PHF14: variants seen among roughly 807,000 people sequenced by gnomAD.
PHF14 encodes PHD finger protein 14.
A neutral mutation model predicts 117.9 loss-of-function variants in PHF14; 55 were observed. The observed-to-expected ratio is 0.47, with a 90% CI of 0.38 to 0.58. The LOEUF (loss-of-function observed/expected upper bound fraction) is 0.58, where lower values mean the gene tolerates loss of function less well. Ranked by LOEUF, PHF14 falls within the 20% of genes least tolerant of loss-of-function variation. The probability of loss-of-function intolerance (pLI) is 0.00; values close to 1 mark genes in which losing one functional copy is unlikely to be tolerated. For synonymous variants in PHF14, 409 were observed against 368.6 expected (o/e 1.11, Z -1.26); for missense variants, 978 against 1,122.2 (o/e 0.87, Z 1.84).
intron 17 of PHF14, among the ~76,000 whole-genome samples, chr7:11,138,619 T>G (rs1050520352): frequency 3.2e-4 from 49 of 152,248 alleles, no homozygotes; most frequent in African/African-American, 1.1e-3. Flanking sequence ...AACAATAACA[T>G]ATAAATCATA....
In PHF14 at chr7:11,159,015, AAGT is replaced by A. The variant is rs547096512; in HGVS notation, c.2773-10399_2773-10397del. Among the ~76,000 whole-genome samples, 1,208 of 152,216 alleles carry A rather than the reference AAGT, an allele frequency of 7.9e-3. 18 individuals carry two copies. The highest frequency in any genetic ancestry group is 7.7e-3 in the Non-Finnish European group (525 of 67,968). On this transcript the variant is annotated intron_variant, in intron 17 of 17. Transcript: ENST00000634607. ...CTATTTACAGTTTATCTGGCCTCAG[AAGT>A]AATAATATTAAAAGATTTTAAGTAT...
chr7:11,036,623 G>T lies in PHF14; in HGVS notation c.1808G>T (p.Ser603Ile), dbSNP rs1784332737. The T allele has an allele frequency of 1.2e-6, 2 of 1,613,740 alleles. No homozygotes were observed. The highest frequency in any genetic ancestry group is 1.7e-6 in the Non-Finnish European group (2 of 1,179,752). Reference sequence around the variant, plus strand: ...GTGGACAATTCAGATACTAGTTCTAGTGTGGATGGAAGGAGAAAACATAAG... The same window carrying T: ...GTGGACAATTCAGATACTAGTTCTATTGTGGATGGAAGGAGAAAACATAAG... ...FPVDNSDTSS[S>I]VDGRRKHKQP... Residue 603 changes from serine to isoleucine, a missense_variant, in exon 9 of 18, where the codon AGT becomes ATT. By Grantham distance (142) the Ser-to-Ile change is moderately radical. Transcript: ENST00000634607.
At chr7:11,141,630 A>G (rs933954352) in intron 17 of PHF14, among the ~76,000 whole-genome samples, 4 of 152,064 alleles carry the variant, frequency 2.6e-5, no homozygotes, top group East Asian at 3.8e-4. Flanking sequence ...ATAATTTGGT[A>G]GCTGTTTCCC....
intron 4 of PHF14, among the ~76,000 whole-genome samples, chr7:11,005,784 A>ATTTT (rs1583354872): frequency 7.5e-6 from 1 of 133,856 alleles, no homozygotes; most frequent in African/African-American, 3.0e-5. Context: ...AGAAGTAAAA[A>ATTTT]TTCTTTTTTT....
intron 17 of PHF14, among the ~76,000 whole-genome samples, chr7:11,117,074 A>C (rs1371214668): frequency 6.6e-6 from 1 of 151,988 alleles, no homozygotes; most frequent in Non-Finnish European, 1.5e-5. Context: ...TAATATGGTT[A>C]CATGAACATG....
chr7:11,127,090 A>G (rs1293545660), intron 17 of PHF14, among the ~76,000 whole-genome samples: 1 of 151,996 alleles, frequency 6.6e-6, no homozygotes, highest in Non-Finnish European at 1.5e-5. Flanking sequence ...CAGCTTTTCC[A>G]GTTACCTTTA....
intron 16 of PHF14, among the ~76,000 whole-genome samples, chr7:11,082,175 C>G (rs1285851777): frequency 6.6e-6 from 1 of 151,746 alleles, no homozygotes; most frequent in African/African-American, 2.4e-5. Context: ...GAGACCTTGT[C>G]TCTAATAAAA....
intron 4 of PHF14, among the ~76,000 whole-genome samples, chr7:11,007,713 G>C (rs1037431784): frequency 6.6e-6 from 1 of 152,036 alleles, no homozygotes; most frequent in Non-Finnish European, 1.5e-5. Context: ...AGAACAGAGA[G>C]AAGAAAAAAA....
chr7:11,033,947 C>A (rs889528751), intron 7 of PHF14, among the ~76,000 whole-genome samples: 3 of 152,034 alleles, frequency 2.0e-5, no homozygotes, highest in South Asian at 2.1e-4. Flanking sequence ...TGTAAGTAAA[C>A]CCTGTTTTAC....
Position 10,999,050 on chromosome 7 carries a change from CTGT to C in PHF14, c.1045+8217_1045+8219del, listed in dbSNP as rs1293922096. Among the ~76,000 whole-genome samples the C allele has an allele frequency of 3.9e-5, 6 of 152,196 alleles. No homozygotes were observed. The East Asian group carries it at 9.7e-4, about 25-fold the overall frequency. On this transcript the variant is annotated intron_variant, in intron 4 of 17. Transcript: ENST00000634607. Reference sequence around the variant, plus strand: ...GTTCTGGCGGCACTAGGGTTTTTTGCTGTTGTTGTTGTTGTTAAGTGATGGAGT... The same window carrying C: ...GTTCTGGCGGCACTAGGGTTTTTTGCTGTTGTTGTTGTTAAGTGATGGAGT...
At chr7:11,053,420 A>G (rs1033067102) in intron 14 of PHF14, among the ~76,000 whole-genome samples, 19 of 152,036 alleles carry the variant, frequency 1.2e-4, no homozygotes, top group Admixed American at 3.3e-4. Context: ...TTAGGCTTCA[A>G]AAATATATTT....
chr7:10,983,960 A>C (rs1472553792), intron 3 of PHF14, among the ~76,000 whole-genome samples: 1 of 152,122 alleles, frequency 6.6e-6, no homozygotes, highest in Non-Finnish European at 1.5e-5. Flanking sequence ...GTTTTTGTAT[A>C]TGTTTTTCTT....
intron 2 of PHF14, among the ~76,000 whole-genome samples, chr7:10,978,906 T>C (rs1173366208): frequency 6.6e-6 from 1 of 152,160 alleles, no homozygotes; most frequent in Non-Finnish European, 1.5e-5. Flanking sequence ...TTGTGTTGAC[T>C]GATTGGCTGT....
chr7:11,075,114 T>G (rs1461766599), intron 16 of PHF14, among the ~76,000 whole-genome samples: 1 of 151,958 alleles, frequency 6.6e-6, no homozygotes, highest in Non-Finnish European at 1.5e-5. Flanking sequence ...ATTTTTTGTA[T>G]TTTTAGAAGA....
intron 16 of PHF14, chr7:11,107,040 T>G: frequency 1.0e-6 from 1 of 983,898 alleles, no homozygotes; most frequent in Non-Finnish European, 1.2e-6. Flanking sequence ...GGCTATAAAT[T>G]ATTTGCATAG....
chr7:11,115,022 T>A (rs1787557311), intron 17 of PHF14, among the ~76,000 whole-genome samples: 1 of 152,084 alleles, frequency 6.6e-6, no homozygotes, highest in Non-Finnish European at 1.5e-5. Flanking sequence ...TCAACTTTTC[T>A]CTTATTTTTC....
At chr7:10,991,758 A>ATTTTTTTTT (rs1491563153) in intron 4 of PHF14, among the ~76,000 whole-genome samples, 1 of 87,384 alleles carries the variant, frequency 1.1e-5, no homozygotes, top group African/African-American at 5.2e-5. Context: ...TTAATTTTTT[A>ATTTTTTTTT]ATTTTTTTTT....
At chr7:10,981,227 C>T (rs1782033921) in intron 2 of PHF14, among the ~76,000 whole-genome samples, 1 of 152,126 alleles carries the variant, frequency 6.6e-6, no homozygotes, top group Non-Finnish European at 1.5e-5. Flanking sequence ...TGTGGAAACA[C>T]TTTACTTTTT....
intron 17 of PHF14, among the ~76,000 whole-genome samples, chr7:11,124,914 T>G (rs1249319176): frequency 1.3e-5 from 2 of 152,142 alleles, no homozygotes; most frequent in African/African-American, 4.8e-5. Flanking sequence ...GCTTTTGTCT[T>G]TCTAATGGAT....
Sources: gnomAD v4.1 joint callset for allele counts (sites outside exome capture counted in the v4.1 genomes callset) on GRCh38, gnomAD v4.1.1 for gene constraint, MANE v1.5 for transcripts, NCBI Gene and HGNC (gene_info 2026-07-23, HGNC 2026-07-21) for gene names.